Variants in PTGFRN observed in about 807,000 individuals in gnomAD.
The protein encoded by PTGFRN is prostaglandin F2 receptor negative regulator.
Under a neutral mutation model 83.2 loss-of-function variants are expected in PTGFRN, and 35 were observed. That is an observed-to-expected ratio of 0.42 (90% CI 0.32 to 0.56). PTGFRN has a LOEUF of 0.56. Among genes scored for constraint, PTGFRN ranks in the 20% least tolerant of loss-of-function variants. The pLI, the probability that PTGFRN is intolerant of heterozygous loss-of-function variation, is 0.11. For synonymous variants in PTGFRN, 519 were observed against 498.6 expected (o/e 1.04, Z -0.55); for missense variants, 1,051 against 1,179.5 (o/e 0.89, Z 1.60).
chr1:116,936,896 T>C (rs990701839), intron 1 of PTGFRN, among the ~76,000 whole-genome samples: 4 of 152,224 alleles, frequency 2.6e-5, no homozygotes, highest in Non-Finnish European at 4.4e-5. Flanking sequence ...ACTACTCATA[T>C]GGAACTTACA....
Position 116,942,068 on chromosome 1 carries a change from A to T in PTGFRN, c.403A>T (p.Thr135Ser). ...CACTGTCCAGGGAAACTATGAGGAC[A>T]CAGTGCAGGTTAAAGGTACAGTCCT... ...DATVQGNYEDTVQVKVLADSL... is the reference protein window; with the variant it reads ...DATVQGNYEDSVQVKVLADSL... The change falls in exon 2 of 9, where the codon ACA becomes TCA. Residue 135 changes from threonine to serine, a missense_variant. By Grantham distance (58) the Thr-to-Ser change is moderately conservative. Coordinates refer to ENST00000393203, the MANE Select transcript of PTGFRN (RefSeq NM_020440.4). The T allele has an allele frequency of 6.2e-7, 1 of 1,613,508 alleles. No homozygotes were observed.
chr1:116,934,690 T>A (rs1649878051), intron 1 of PTGFRN, among the ~76,000 whole-genome samples: 1 of 152,200 alleles, frequency 6.6e-6, no homozygotes, highest in Non-Finnish European at 1.5e-5. Context: ...TTATTTTTTC[T>A]CTTTTGTTTT....
chr1:116,981,035 T>C (rs964469092), intron 7 of PTGFRN, among the ~76,000 whole-genome samples: 1 of 152,212 alleles, frequency 6.6e-6, no homozygotes, highest in Non-Finnish European at 1.5e-5. Context: ...GAAATCATTA[T>C]AAATTTTTTC....
At chr1:116,947,249 G>T (rs962753353) in intron 3 of PTGFRN, among the ~76,000 whole-genome samples, 1 of 152,170 alleles carries the variant, frequency 6.6e-6, no homozygotes, top group Non-Finnish European at 1.5e-5. Flanking sequence ...TACCCATGTG[G>T]CAGGGAGCCT....
At chr1:116,962,395 A>G (rs1026397634) in intron 5 of PTGFRN, 3 of 152,252 alleles carry the variant, frequency 2.0e-5, no homozygotes, top group African/African-American at 4.8e-5. Context: ...TCCCATCCAG[A>G]TACTAACCAG....
chr1:116,968,416 A>G (rs939285468), intron 6 of PTGFRN, among the ~76,000 whole-genome samples: 3 of 152,032 alleles, frequency 2.0e-5, no homozygotes, highest in African/African-American at 7.2e-5. Flanking sequence ...AATATATACC[A>G]TAGTGAAATA....
intron 4 of PTGFRN, 57 bp downstream of exon 4, chr1:116,949,629 A>T: frequency 2.6e-6 from 4 of 1,547,248 alleles, no homozygotes; most frequent in Non-Finnish European, 3.5e-6. Context: ...CCTCGGAGTT[A>T]TCTGAAGGAG....
intron 2 of PTGFRN, among the ~76,000 whole-genome samples, chr1:116,942,357 A>G (rs1650085362): frequency 6.6e-6 from 1 of 152,190 alleles, no homozygotes; most frequent in African/African-American, 2.4e-5. Context: ...TGGAGGCAGC[A>G]TGATGCGGTG....
At position 116,988,016 on chromosome 1, in the gene PTGFRN, C is replaced by G. The variant is rs925088172; in HGVS notation, c.*1049C>G. On this transcript the variant is annotated 3_prime_UTR_variant, in exon 9 of 9. Transcript: ENST00000393203. ...GGTCACCAAGAGTCTTGCAGGGGGA[C>G]CCACAGATATGCCATGTCCTTCACA... 2 of 152,180 alleles carry G rather than the reference C, an allele frequency of 1.3e-5. No homozygotes were observed. Among genetic ancestry groups the G allele is most frequent in the Non-Finnish European group, 2.9e-5 (2 of 68,034 alleles). The allele number at this position is 152,180 out of a possible 1,614,324, so 9.4% of individuals were successfully genotyped here.
In PTGFRN at chr1:116,966,973, G is replaced by C; in HGVS notation, c.1702G>C (p.Glu568Gln). 6.2e-7 allele frequency: 1 copy of C among 1,613,560 alleles called. No individual in the cohort carries two copies. The highest frequency in any genetic ancestry group is 8.5e-7 in the Non-Finnish European group (1 of 1,179,630). Residue 568 changes from glutamate (E) to glutamine (Q), a missense_variant, in exon 6 of 9, where the codon GAG (glutamate) becomes CAG (glutamine). Physicochemically the swap from Glu to Gln is conservative, Grantham distance 29 (BLOSUM62 2). Transcript: ENST00000393203. ...TTTCTTTGCTGCCGGAAATACATTTGAGATGACTTGCAAAGTATCTTCCAA... is the reference window on the plus strand; with the variant it reads ...TTTCTTTGCTGCCGGAAATACATTTCAGATGACTTGCAAAGTATCTTCCAA... ...KPFFAAGNTF[E>Q]MTCKVSSKNI...
At chr1:116,917,870 G>T (rs996910978) in intron 1 of PTGFRN, among the ~76,000 whole-genome samples, 2 of 152,070 alleles carry the variant, frequency 1.3e-5, no homozygotes, top group Non-Finnish European at 2.9e-5. Context: ...TGATCCTCCT[G>T]CCTCAGCCTC....
chr1:116,982,686 C>T (rs1046668255), intron 7 of PTGFRN, among the ~76,000 whole-genome samples: 5 of 152,144 alleles, frequency 3.3e-5, no homozygotes, highest in African/African-American at 9.7e-5. Context: ...AGCAAGTCCA[C>T]CTCCCCACGG....
In PTGFRN at chr1:116,959,521, C is replaced by T. The variant is rs570723219; in HGVS notation, c.1214-1722C>T. On this transcript the variant is annotated intron_variant, in intron 4 of 8. Transcript: ENST00000393203. ...AATCACAAGAAAAGTTCCTTGACCTCAGCAGTTTGTAATCTGTATGTCATA... is the reference window on the plus strand; with the variant it reads ...AATCACAAGAAAAGTTCCTTGACCTTAGCAGTTTGTAATCTGTATGTCATA... 1.4e-4 allele frequency among the ~76,000 whole-genome samples: 22 copies of T among 152,234 alleles called. No individual in the cohort carries two copies. The South Asian group carries it at 3.7e-3, about 26-fold the overall frequency.
intron 4 of PTGFRN, among the ~76,000 whole-genome samples, chr1:116,960,661 A>C (rs1650625477): frequency 1.3e-5 from 2 of 152,222 alleles, no homozygotes; most frequent in Admixed American, 6.5e-5. Flanking sequence ...GATTCCGCAG[A>C]AAAAGTCAGA....
chr1:116,954,096 G>A (rs961042037), intron 4 of PTGFRN, among the ~76,000 whole-genome samples: 1 of 152,022 alleles, frequency 6.6e-6, no homozygotes, highest in Admixed American at 6.6e-5. Context: ...GACTTCAGGT[G>A]ATCCGCCCGT....
Position 116,946,646 on chromosome 1 carries a change from T to G in PTGFRN, c.832+1554T>G, listed in dbSNP as rs190577531. Among the ~76,000 whole-genome samples, 4 of 152,358 alleles carry G rather than the reference T, an allele frequency of 2.6e-5. No homozygotes were observed. The East Asian group carries it at 7.7e-4, about 29-fold the overall frequency. On this transcript the variant is annotated intron_variant, in intron 3 of 8. Transcript: ENST00000393203. ...TTATTAGGCAGGTAATATCTGGCTC[T>G]CAGATGAGACAGGGTTCATAATCTT...
intron 1 of PTGFRN, among the ~76,000 whole-genome samples, chr1:116,925,333 A>C (rs1649630267): frequency 6.6e-6 from 1 of 152,056 alleles, no homozygotes; most frequent in Non-Finnish European, 1.5e-5. Flanking sequence ...AGGTTGAGGC[A>C]TGAGAATTGC....
At chr1:116,934,102 G>T (rs1354006508) in intron 1 of PTGFRN, among the ~76,000 whole-genome samples, 1 of 151,922 alleles carries the variant, frequency 6.6e-6, no homozygotes, top group African/African-American at 2.4e-5. Context: ...CTTCAGTTTG[G>T]ATAACTTTTA....
rs1385506353 is a variant in PTGFRN, at chr1:116,984,791, G to C, written c.2279G>C (p.Arg760Thr). 1.2e-6 allele frequency: 2 copies of C among 1,613,962 alleles called. No homozygotes were observed. Among genetic ancestry groups the C allele is most frequent in the Non-Finnish European group, 1.7e-6 (2 of 1,180,030 alleles). ...AAGGGCATCGTGACCACCTCCCGGA[G>C]GGACTGGAAGAGCGACCTCAGCCTG... ...DRKGIVTTSR[R>T]DWKSDLSLER... The change falls in exon 8 of 9, where the codon AGG (arginine) becomes ACG (threonine). Residue 760 changes from arginine (R) to threonine (T), a missense_variant. By Grantham distance (71) the Arg-to-Thr change is moderately conservative (BLOSUM62 -1). This residue lies in a region of PTGFRN where 719 missense variants were observed against 836.6 expected (regional missense o/e 0.86). Coordinates refer to ENST00000393203, the MANE Select transcript of PTGFRN (RefSeq NM_020440.4).
Sources: gnomAD v4.1 joint callset for allele counts (sites outside exome capture counted in the v4.1 genomes callset) on GRCh38, gnomAD v4.1.1 for gene constraint, gnomAD v4.1.1 regional missense constraint, MANE v1.5 for transcripts, NCBI Gene and HGNC (gene_info 2026-07-23, HGNC 2026-07-21) for gene names.